Variants in FRMPD4 observed in about 807,000 individuals in gnomAD.
The protein encoded by FRMPD4 is FERM and PDZ domain containing 4.
In FRMPD4, 22 loss-of-function variants were observed where a neutral mutation model predicts 94.1. That is an observed-to-expected ratio of 0.23 (90% CI 0.17 to 0.33). FRMPD4 has a LOEUF of 0.33. Among genes scored for constraint, FRMPD4 ranks in the 10% least tolerant of loss-of-function variants. The pLI is 1.00. For missense variants in FRMPD4, 1,111 were observed against 1,339.9 expected, an observed-to-expected ratio of 0.83 and a Z score of 2.67; for synonymous variants, 631 against 548.6, an observed-to-expected ratio of 1.15 and a Z score of -2.10.
intron 3 of FRMPD4, among the ~76,000 whole-genome samples, chrX:11,921,149 A>C (rs760190124): frequency 1.2e-4 from 14 of 112,311 alleles, no homozygotes; most frequent in Non-Finnish European, 2.6e-4. Flanking sequence ...GGCTGTCGTA[A>C]CAAAGTACCA....
chrX:12,029,452 C>T (rs1414344694), intron 3 of FRMPD4, among the ~76,000 whole-genome samples: 1 of 111,773 alleles, frequency 8.9e-6, no homozygotes, highest in African/African-American at 3.2e-5. Flanking sequence ...TTTTGCAGAG[C>T]AGATATTTTT....
At chrX:12,227,518 T>C (rs2056935049) in intron 1 of FRMPD4, among the ~76,000 whole-genome samples, 1 of 111,898 alleles carries the variant, frequency 8.9e-6, no homozygotes, top group South Asian at 3.7e-4. Flanking sequence ...ATGGCTTTTG[T>C]GGCCAGGTGT....
chrX:11,829,710 C>T (rs2053464375), intron 1 of FRMPD4, among the ~76,000 whole-genome samples: 1 of 112,048 alleles, frequency 8.9e-6, no homozygotes, highest in Non-Finnish European at 1.9e-5. Flanking sequence ...TCTGGTCTCT[C>T]TCCAGACAGG....
At chrX:12,339,101 C>T (rs1345687191) in intron 1 of FRMPD4, among the ~76,000 whole-genome samples, 1 of 111,699 alleles carries the variant, frequency 9.0e-6, no homozygotes, top group Admixed American at 9.5e-5. Context: ...CAATCCAGGC[C>T]GAACATCCAT....
chrX:12,593,854 T>A (rs1187725843), intron 2 of FRMPD4, among the ~76,000 whole-genome samples: 2 of 111,808 alleles, frequency 1.8e-5, no homozygotes, highest in Non-Finnish European at 3.8e-5. Flanking sequence ...ACATAATATA[T>A]GCATTTTAAT....
intron 1 of FRMPD4, 21 bp from the exon 2 acceptor site, chrX:12,498,659 T>C (rs775319318): frequency 1.8e-5 from 5 of 281,910 alleles, no homozygotes; most frequent in Non-Finnish European, 2.7e-5. Context: ...GTAATGATGC[T>C]TTTTTTTTTT....
intron 1 of FRMPD4, among the ~76,000 whole-genome samples, chrX:11,860,225 G>T (rs1314637541): frequency 1.8e-5 from 2 of 112,202 alleles, no homozygotes; most frequent in African/African-American, 6.5e-5. Context: ...GTGGTTCTTG[G>T]CTGTCTATTT....
intron 1 of FRMPD4, among the ~76,000 whole-genome samples, chrX:12,219,891 C>T (rs2056844812): frequency 8.9e-6 from 1 of 112,092 alleles, no homozygotes; most frequent in African/African-American, 3.2e-5. Flanking sequence ...CCTGTTATCC[C>T]AGCACTTTGG....
chrX:12,245,538 G>A (rs1470772148), intron 1 of FRMPD4, among the ~76,000 whole-genome samples: 1 of 92,803 alleles, frequency 1.1e-5, no homozygotes, highest in African/African-American at 4.1e-5. Context: ...TTTTTTCAAG[G>A]AGTTCTTGGC....
At chrX:12,273,628 AG>A (rs758669992) in intron 1 of FRMPD4, among the ~76,000 whole-genome samples, 9 of 112,300 alleles carry the variant, frequency 8.0e-5, no homozygotes, top group Non-Finnish European at 1.7e-4. Flanking sequence ...CAATCTCATT[AG>A]TGGCGGTGAT....
intron 1 of FRMPD4, among the ~76,000 whole-genome samples, chrX:12,186,677 TAAA>T (rs1386140500): frequency 8.9e-6 from 1 of 112,005 alleles, no homozygotes; most frequent in African/African-American, 3.2e-5. Context: ...AATATTTCAT[TAAA>T]AGGAAATATT....
chrX:12,718,619 G>A lies in FRMPD4; in HGVS notation c.3793G>A (p.Ala1265Thr), dbSNP rs1340268457. The change falls in exon 16 of 17, where the codon GCC (alanine) becomes ACC (threonine). Residue 1265 changes from alanine to threonine, a missense_variant. Coordinates refer to ENST00000675598, the MANE Select transcript of FRMPD4 (RefSeq NM_001368397.1). The stretch of plus-strand genomic sequence containing the variant: ...GAATTACATTCCTTCAGAGGAGAGA[G>A]CCCCTGGGCTTCCCAACCACGGAGC... Reference protein sequence around the residue: ...GVNYIPSEERAPGLPNHGATF... With the variant: ...GVNYIPSEERTPGLPNHGATF... 1.7e-6 allele frequency: 2 copies of A among 1,210,651 alleles called. No homozygotes were observed. The highest frequency in any genetic ancestry group is 2.2e-6 in the Non-Finnish European group (2 of 894,443).
chrX:12,542,758 C>T (rs1166187467), intron 2 of FRMPD4, among the ~76,000 whole-genome samples: 1 of 111,511 alleles, frequency 9.0e-6, no homozygotes, highest in Admixed American at 9.5e-5. Flanking sequence ...CATATGGAAC[C>T]AAAAAAGAGC....
intron 1 of FRMPD4, among the ~76,000 whole-genome samples, chrX:12,403,265 A>C (rs2056628518): frequency 9.1e-6 from 1 of 110,423 alleles, no homozygotes; most frequent in African/African-American, 3.3e-5. Flanking sequence ...CTTGGGGATC[A>C]CTCCCCTGCT....
intron 9 of FRMPD4, 127 bp from the exon 10 acceptor site, chrX:12,701,747 A>G (rs2060193151): frequency 1.5e-6 from 1 of 669,166 alleles, no homozygotes; most frequent in Non-Finnish European, 2.3e-6. Flanking sequence ...AGATGTTTCC[A>G]CATTTAGCCT....
rs1282396889 is a variant in FRMPD4, at chrX:12,334,225, AG to A, written c.42-164454del. On this transcript the variant is annotated intron_variant, in intron 1 of 16. Coordinates refer to ENST00000675598, the MANE Select transcript of FRMPD4 (RefSeq NM_001368397.1). Reference sequence around the variant, plus strand: ...ATTTTCTTCTTTCAGGGAAGGAACCAGTTTTGCATTAAAATTGTTTAAATGT... The same window carrying A: ...ATTTTCTTCTTTCAGGGAAGGAACCATTTTGCATTAAAATTGTTTAAATGT... Among the ~76,000 whole-genome samples, 3 of 111,964 alleles carry A rather than the reference AG, an allele frequency of 2.7e-5. No homozygotes were observed. The East Asian group carries it at 8.3e-4, about 31-fold the overall frequency.
intron 1 of FRMPD4, among the ~76,000 whole-genome samples, chrX:12,313,602 A>C (rs2055068854): frequency 8.9e-6 from 1 of 112,712 alleles, no homozygotes; most frequent in South Asian, 3.7e-4. Context: ...AGGGAGCTCA[A>C]GATCAAAGTT....
chrX:12,678,580 C>G lies in FRMPD4; in HGVS notation c.468+3672C>G, dbSNP rs375406741. ...GTGGCTCACGCCTGTAATCCCAGCA[C>G]TTTGGGAGGCCGAGGCGGGCAGATC... On this transcript the variant is annotated intron_variant, in intron 5 of 16. Transcript: ENST00000675598. Among the ~76,000 whole-genome samples the G allele has an allele frequency of 2.2e-3, 251 of 112,294 alleles. 1 individual carries two copies. The highest frequency in any genetic ancestry group is 7.8e-3 in the African/African-American group (240 of 30,935).
intron 1 of FRMPD4, among the ~76,000 whole-genome samples, chrX:12,209,884 C>T (rs1355535798): frequency 1.8e-5 from 2 of 111,233 alleles, no homozygotes; most frequent in African/African-American, 6.6e-5. Flanking sequence ...AAGGGATATT[C>T]ATTTGGTCAT....
Sources: gnomAD v4.1 joint callset for allele counts (sites outside exome capture counted in the v4.1 genomes callset) on GRCh38, gnomAD v4.1.1 for gene constraint, MANE v1.5 for transcripts, NCBI Gene and HGNC (gene_info 2026-07-23, HGNC 2026-07-21) for gene names.